PSG6: variants seen among roughly 807,000 people sequenced by gnomAD.
PSG6 encodes pregnancy-specific beta-1-glycoprotein 6.
Under a neutral mutation model 43.3 loss-of-function variants are expected in PSG6, and 51 were observed. The observed-to-expected ratio is 1.18, with a 90% CI of 0.94 to 1.49. The LOEUF (loss-of-function observed/expected upper bound fraction) is 1.49. Among genes scored for constraint, PSG6 ranks in the 40% most tolerant of loss-of-function variants. The pLI is 0.00. For missense variants in PSG6, 770 were observed against 522.2 expected (o/e 1.47, Z -4.62); for synonymous variants, 292 against 197.6 (o/e 1.48, Z -4.01).
chr19:42,911,953 T>C (rs952113621), intron 2 of PSG6, among the ~76,000 whole-genome samples: 1 of 151,610 alleles, frequency 6.6e-6, no homozygotes, highest in Admixed American at 6.6e-5. Flanking sequence ...TTATGCAGGA[T>C]GAGGAGGTTC....
rs766742564 is a variant in PSG6, at chr19:42,908,583, C to T, written c.707-729G>A. On this transcript the variant is annotated intron_variant, in intron 3 of 5. Coordinates refer to ENST00000187910, the MANE Select transcript of PSG6 (RefSeq NM_001031850.4). ...TTTGGAGCAGAAGCATGTTCCCTGT[C>T]CTGGGTTCTTTAAGTTTCCTCTCCT... Among the ~76,000 whole-genome samples, 96 of 151,776 alleles carry T rather than the reference C, an allele frequency of 6.3e-4. 3 individuals are homozygous for T. The highest frequency in any genetic ancestry group is 9.7e-4 in the Non-Finnish European group (66 of 67,918).
intron 2 of PSG6, among the ~76,000 whole-genome samples, chr19:42,912,869 G>C (rs1320255630): frequency 6.6e-6 from 1 of 151,516 alleles, no homozygotes; most frequent in Admixed American, 6.6e-5. Context: ...CATGAGATAG[G>C]ACCTACCTGG....
At chr19:42,906,008 C>G (rs1023795542) in intron 5 of PSG6, among the ~76,000 whole-genome samples, 3 of 151,450 alleles carry the variant, frequency 2.0e-5, no homozygotes, top group Non-Finnish European at 4.4e-5. Context: ...GATAGTTACA[C>G]AACACTAAAT....
At chr19:42,910,428 C>A in intron 3 of PSG6, 152 bp downstream of exon 3, 1 of 1,584,116 alleles carries the variant, frequency 6.3e-7, no homozygotes, top group South Asian at 1.1e-5. Context: ...TAGGCCTACT[C>A]TGGTTTGCCT....
chr19:42,905,706 A>G lies in PSG6; in HGVS notation c.1240+1216T>C, dbSNP rs1250557364. 2.6e-5 allele frequency among the ~76,000 whole-genome samples: 4 copies of G among 151,856 alleles called. 1 individual carries two copies. The highest frequency in any genetic ancestry group is 4.4e-5 in the Non-Finnish European group (3 of 67,918). ...AAAGATAAGTGGGTAGGCAAATGAG[A>G]TGTATCTATACATTGAAATGTTATT... is the stretch of plus-strand genomic sequence containing the variant. On this transcript the variant is annotated intron_variant, in intron 5 of 5. Transcript: ENST00000187910.
Position 42,910,972 on chromosome 19 carries a change from G to A in PSG6, c.428-114C>T, listed in dbSNP as rs944019238. ...TCTCAGCCCACCCAAGTCCTTAAAA[G>A]CCCATGGCAGGTGTGTGTGTTACAA... On this transcript the variant is annotated intron_variant, in intron 2 of 5. Transcript: ENST00000187910. 9.3e-6 allele frequency: 14 copies of A among 1,508,044 alleles called. No homozygotes were observed. The Admixed American group carries it at 1.8e-4, about 19-fold the overall frequency. The allele number at this position is 1,508,044 out of a possible 1,614,324, so 93.4% of individuals were successfully genotyped here.
At chr19:42,903,934 C>G (rs543128816) in intron 5 of PSG6, among the ~76,000 whole-genome samples, 2 of 151,248 alleles carry the variant, frequency 1.3e-5, no homozygotes, top group Non-Finnish European at 2.9e-5. Flanking sequence ...AAAAATGAAG[C>G]GATTACTACC....
chr19:42,907,940 G>A, intron 3 of PSG6, 86 bp from the exon 4 acceptor site: 1 of 1,548,902 alleles, frequency 6.5e-7, no homozygotes, highest in Non-Finnish European at 8.8e-7. Flanking sequence ...TCTCCCACCT[G>A]TCAACCCACA....
intron 4 of PSG6, 47 bp downstream of exon 4, chr19:42,907,529 G>T (rs772855032): frequency 1.5e-5 from 24 of 1,605,850 alleles, no homozygotes; most frequent in African/African-American, 6.7e-5. Context: ...CTGGTCGTTT[G>T]GAGTTAAGCT....
At chr19:42,914,989 T>A (rs1323630172) in intron 2 of PSG6, among the ~76,000 whole-genome samples, 4 of 151,668 alleles carry the variant, frequency 2.6e-5, no homozygotes, top group Non-Finnish European at 4.4e-5. Flanking sequence ...GAGTACAGAC[T>A]AATCAGCTGA....
intron 1 of PSG6, among the ~76,000 whole-genome samples, chr19:42,917,056 G>C (rs1244377974): frequency 1.4e-5 from 2 of 147,058 alleles, no homozygotes; most frequent in Admixed American, 6.9e-5. Flanking sequence ...GAGTTCTCAG[G>C]GCCCTCCATG....
In PSG6 at chr19:42,907,415, G is replaced by A. The variant is rs548642649; in HGVS notation, c.985+161C>T. Among the ~76,000 whole-genome samples, 3 of 151,990 alleles carry A rather than the reference G, an allele frequency of 2.0e-5. No individual in the cohort carries two copies. In the South Asian group the frequency reaches 6.3e-4, roughly 32 times the overall value. ...TCCCCTTATATTCTTGGTTAAGGCT[G>A]TGCCTACCCAGGATTTCCCAGGGCA... On this transcript the variant is annotated intron_variant, in intron 4 of 5. Coordinates refer to ENST00000187910, the MANE Select transcript of PSG6 (RefSeq NM_001031850.4).
chr19:42,910,598 C>T lies in PSG6; in HGVS notation c.688G>A (p.Val230Ile), dbSNP rs144422838. The change falls in exon 3 of 6, where the codon GTC becomes ATC. Residue 230 changes from valine to isoleucine, a missense_variant. By Grantham distance (29) the Val-to-Ile change is conservative. Coordinates refer to ENST00000187910, the MANE Select transcript of PSG6 (RefSeq NM_001031850.4). ...NPVSASRSDP[V>I]TLNLLPKLPM... ...TACTCACGGAGGAGATTCAGGGTGACTGGGTCACTGCGGCTGGCACTCACT... is the reference window on the plus strand; with the variant it reads ...TACTCACGGAGGAGATTCAGGGTGATTGGGTCACTGCGGCTGGCACTCACT... 13 of 1,612,432 alleles carry T rather than the reference C, an allele frequency of 8.1e-6. No homozygotes were observed. In the African/African-American group the frequency reaches 1.6e-4, roughly 20 times the overall value.
At chr19:42,909,032 A>G (rs1162048579) in intron 3 of PSG6, among the ~76,000 whole-genome samples, 1 of 151,628 alleles carries the variant, frequency 6.6e-6, no homozygotes, top group African/African-American at 2.4e-5. Flanking sequence ...TTTTAGGACA[A>G]AAAGTGTTTT....
chr19:42,914,786 T>G (rs1972293801), intron 2 of PSG6, among the ~76,000 whole-genome samples: 1 of 151,676 alleles, frequency 6.6e-6, no homozygotes, highest in African/African-American at 2.4e-5. Context: ...TCTCTCTCAC[T>G]GGGCCTGTGC....
chr19:42,912,670 A>G (rs1052744243), intron 2 of PSG6, among the ~76,000 whole-genome samples: 2 of 151,848 alleles, frequency 1.3e-5, no homozygotes, highest in African/African-American at 4.8e-5. Context: ...ACCCCAAAAC[A>G]GGTATGTGAA....
In PSG6 at chr19:42,907,131, C is replaced by T. The variant is rs143813812; in HGVS notation, c.1031G>A (p.Arg344His). The T allele has an allele frequency of 6.3e-4, 1,017 of 1,612,652 alleles. 13 individuals carry two copies. Among genetic ancestry groups the T allele is most frequent in the Non-Finnish European group, 7.6e-4 (894 of 1,179,250 alleles). The stretch of plus-strand genomic sequence containing the variant: ...GGACAAGTCGAGGTTTTCTCCTGAA[C>T]GGTAATAGGTGAATGAAGGGTAAAT... ...PRIYPSFTYY[R>H]SGENLDLSCF... The change falls in exon 5 of 6, where the codon CGT becomes CAT. Residue 344 changes from arginine to histidine, a missense_variant. Physicochemically the swap from Arg to His is conservative, Grantham distance 29. Coordinates refer to ENST00000187910, the MANE Select transcript of PSG6 (RefSeq NM_001031850.4).
chr19:42,913,082 T>A (rs1972258747), intron 2 of PSG6, among the ~76,000 whole-genome samples: 1 of 151,696 alleles, frequency 6.6e-6, no homozygotes, highest in Non-Finnish European at 1.5e-5. Flanking sequence ...TATTGACACA[T>A]TCTCAAGCTA....
chr19:42,905,341 A>G (rs952505833), intron 5 of PSG6, among the ~76,000 whole-genome samples: 1 of 151,702 alleles, frequency 6.6e-6, no homozygotes, highest in African/African-American at 2.4e-5. Context: ...GAGATATGCA[A>G]ATCAAAACCA....
Sources: gnomAD v4.1 joint callset for allele counts (sites outside exome capture counted in the v4.1 genomes callset) on GRCh38, gnomAD v4.1.1 for gene constraint, MANE v1.5 for transcripts, NCBI Gene and HGNC (gene_info 2026-07-23, HGNC 2026-07-21) for gene names.